ZFPM2: variants seen among roughly 807,000 people sequenced by gnomAD.
ZFPM2 encodes the protein zinc finger protein, FOG family member 2, also known as zinc finger protein ZFPM2.
A neutral mutation model predicts 98.6 loss-of-function variants in ZFPM2; 20 were observed. The observed-to-expected ratio is 0.20, with a 90% CI of 0.14 to 0.29. The LOEUF is 0.29. ZFPM2 is among the 10% of genes least tolerant of loss of function. The probability of loss-of-function intolerance (pLI) is 1.00; values close to 1 mark genes in which losing one functional copy is unlikely to be tolerated. For missense variants in ZFPM2, 1,310 were observed against 1,388.6 expected (o/e 0.94, Z 0.90); for synonymous variants, 518 against 502.7 (o/e 1.03, Z -0.41).
At chr8:105,385,680 C>G (rs150997623) in intron 1 of ZFPM2, among the ~76,000 whole-genome samples, 1 of 152,304 alleles carries the variant, frequency 6.6e-6, no homozygotes, top group African/African-American at 2.4e-5. Flanking sequence ...AACTACATCA[C>G]TCTTAGATCT....
At chr8:105,319,068 G>A in intron 1 of ZFPM2, 87 bp downstream of exon 1, 1 of 1,402,436 alleles carries the variant, frequency 7.1e-7, no homozygotes. Flanking sequence ...GTGGGTGGCG[G>A]GGCTAGGGGA....
chr8:105,456,685 T>G (rs1419064787), intron 3 of ZFPM2, among the ~76,000 whole-genome samples: 1 of 152,192 alleles, frequency 6.6e-6, no homozygotes. Context: ...ATTGCTTGTT[T>G]GTTTTGAGAT....
chr8:105,430,112 GAGAA>G (rs902529363), intron 2 of ZFPM2, among the ~76,000 whole-genome samples: 2 of 152,152 alleles, frequency 1.3e-5, no homozygotes, highest in African/African-American at 4.8e-5. Context: ...CGGTTTATCT[GAGAA>G]AGATAGTTCT....
At chr8:105,792,543 GA>G (rs890811563) in intron 6 of ZFPM2, among the ~76,000 whole-genome samples, 5 of 152,180 alleles carry the variant, frequency 3.3e-5, no homozygotes, top group African/African-American at 9.6e-5. Context: ...GTGTGGTGCT[GA>G]AAAAAATGTA....
intron 4 of ZFPM2, among the ~76,000 whole-genome samples, chr8:105,575,686 A>G (rs1251066589): frequency 6.6e-6 from 1 of 152,206 alleles, no homozygotes; most frequent in Admixed American, 6.5e-5. Flanking sequence ...AAGAAAAAAA[A>G]TATCCAAACT....
intron 4 of ZFPM2, among the ~76,000 whole-genome samples, chr8:105,629,698 C>T (rs2130831616): frequency 6.6e-6 from 1 of 152,234 alleles, no homozygotes; most frequent in East Asian, 1.9e-4. Context: ...CATTTGGTAC[C>T]TTGATGTTGT....
chr8:105,419,017 C>G, intron 1 of ZFPM2, 127 bp from the exon 2 acceptor site: 1 of 772,426 alleles, frequency 1.3e-6, no homozygotes. Context: ...TGTGAGTCCC[C>G]TTGGTGGTAC....
intron 5 of ZFPM2, among the ~76,000 whole-genome samples, chr8:105,643,572 A>G (rs1367118394): frequency 1.3e-5 from 2 of 152,144 alleles, no homozygotes; most frequent in African/African-American, 2.4e-5. Context: ...AGTACTATAT[A>G]AATGTATGGT....
At position 105,507,029 on chromosome 8, in the gene ZFPM2, C is replaced by T. The variant is rs151218878; in HGVS notation, c.302-54334C>T. Among the ~76,000 whole-genome samples, 137 of 149,610 alleles carry T rather than the reference C, an allele frequency of 9.2e-4. 1 individual carries two copies. In the East Asian group the frequency reaches 0.025, roughly 27 times the overall value. ...ACAAAAGAAAGTAGATCCTTTGAAA[C>T]AGCATAATAAGAGATAATTTTGGAA... On this transcript the variant is annotated intron_variant, in intron 3 of 7. Coordinates refer to ENST00000407775, the MANE Select transcript of ZFPM2 (RefSeq NM_012082.4).
intron 1 of ZFPM2, chr8:105,418,820 G>A (rs778340559): frequency 3.8e-6 from 2 of 531,808 alleles, no homozygotes; most frequent in Non-Finnish European, 7.3e-6. Flanking sequence ...TCTAACAAAT[G>A]AACATAAAGT....
intron 4 of ZFPM2, among the ~76,000 whole-genome samples, chr8:105,629,359 A>G (rs1816716690): frequency 6.6e-6 from 1 of 152,244 alleles, no homozygotes; most frequent in Non-Finnish European, 1.5e-5. Context: ...ACTGTGGAAT[A>G]ACAAGGTATA....
chr8:105,541,365 C>G (rs1463487031), intron 3 of ZFPM2, among the ~76,000 whole-genome samples: 3 of 152,136 alleles, frequency 2.0e-5, no homozygotes, highest in Non-Finnish European at 4.4e-5. Flanking sequence ...AGCTGGAATT[C>G]AGACCCATCT....
At chr8:105,379,801 G>A (rs1810808020) in intron 1 of ZFPM2, among the ~76,000 whole-genome samples, 1 of 151,538 alleles carries the variant, frequency 6.6e-6, no homozygotes. Context: ...ACCAAAACTG[G>A]CCATGAACAC....
At chr8:105,667,143 G>A (rs1220227931) in intron 5 of ZFPM2, among the ~76,000 whole-genome samples, 2 of 152,070 alleles carry the variant, frequency 1.3e-5, no homozygotes, top group African/African-American at 2.4e-5. Context: ...GAAGCCTATC[G>A]CTTCAAGGAA....
At chr8:105,765,537 T>C (rs1429968748) in intron 5 of ZFPM2, among the ~76,000 whole-genome samples, 2 of 151,832 alleles carry the variant, frequency 1.3e-5, no homozygotes, top group Admixed American at 6.6e-5. Context: ...CTAATGAAGC[T>C]TGTATGAATA....
intron 5 of ZFPM2, among the ~76,000 whole-genome samples, chr8:105,739,891 A>G (rs1812173218): frequency 6.6e-6 from 1 of 151,988 alleles, no homozygotes. Flanking sequence ...TTTCAGGGCT[A>G]TTTTGGGAAA....
At chr8:105,466,887 G>C (rs1426012997) in intron 3 of ZFPM2, among the ~76,000 whole-genome samples, 1 of 151,874 alleles carries the variant, frequency 6.6e-6, no homozygotes, top group Non-Finnish European at 1.5e-5. Flanking sequence ...GGTGGAAAAA[G>C]CCTAAAATTT....
At position 105,746,049 on chromosome 8, in the gene ZFPM2, G is replaced by GA. The variant is rs1164438306; in HGVS notation, c.533-42668dup. On this transcript the variant is annotated intron_variant, in intron 5 of 7. Coordinates refer to ENST00000407775, the MANE Select transcript of ZFPM2 (RefSeq NM_012082.4). Reference sequence around the variant, plus strand: ...AGCCTCCCAAAGTGCTGGGATTATAGACCCGAACCACCACTCCTGCCCAAC... The same window carrying GA: ...AGCCTCCCAAAGTGCTGGGATTATAGAACCCGAACCACCACTCCTGCCCAAC... 1.4e-4 allele frequency among the ~76,000 whole-genome samples: 22 copies of GA among 152,134 alleles called. No individual in the cohort carries two copies. The East Asian group carries it at 4.3e-3, about 30-fold the overall frequency.
chr8:105,441,346 G>A (rs1277587410), intron 2 of ZFPM2, among the ~76,000 whole-genome samples: 5 of 150,864 alleles, frequency 3.3e-5, no homozygotes, highest in Non-Finnish European at 7.4e-5. Context: ...AATATTTTAT[G>A]GAGGGAATTT....
Sources: gnomAD v4.1 joint callset for allele counts (sites outside exome capture counted in the v4.1 genomes callset) on GRCh38, gnomAD v4.1.1 for gene constraint, MANE v1.5 for transcripts, NCBI Gene and HGNC (gene_info 2026-07-23, HGNC 2026-07-21) for gene names.